Variants in BAHD1 observed in about 807,000 individuals in gnomAD.
BAHD1 encodes the protein bromo adjacent homology domain containing 1.
A neutral mutation model predicts 63.1 loss-of-function variants in BAHD1; 20 were observed. The observed-to-expected ratio is 0.32, with a 90% CI of 0.22 to 0.46. BAHD1 has a LOEUF of 0.46. BAHD1 is among the 20% of genes least tolerant of loss of function. The pLI is 1.00. For synonymous variants in BAHD1, 408 were observed against 426.8 expected (o/e 0.96, Z 0.54); for missense variants, 939 against 1,071.8 (o/e 0.88, Z 1.73).
chr15:40,456,911 C>CAGCTCCGT (rs1458042620), intron 1 of BAHD1, among the ~76,000 whole-genome samples: 24 of 152,292 alleles, frequency 1.6e-4, no homozygotes, highest in Admixed American at 5.2e-4. Context: ...AGGAAGTGAA[C>CAGCTCCGT]AGCTCCGTAG....
chr15:40,453,060 C>T (rs1447360502), intron 1 of BAHD1, among the ~76,000 whole-genome samples: 2 of 152,304 alleles, frequency 1.3e-5, no homozygotes, highest in African/African-American at 4.8e-5. Context: ...GAATGGCCAG[C>T]CAGGGCCAGC....
intron 1 of BAHD1, among the ~76,000 whole-genome samples, chr15:40,445,266 AAAAAAAAAAAC>A (rs1200050717): frequency 1.3e-5 from 2 of 151,530 alleles, no homozygotes; most frequent in Non-Finnish European, 2.9e-5. Flanking sequence ...TAAAAAAAAA[AAAAAAAAAAAC>A]AACCCTTTCA....
chr15:40,463,469 G>A (rs893250574), intron 3 of BAHD1, among the ~76,000 whole-genome samples: 1 of 152,220 alleles, frequency 6.6e-6, no homozygotes, highest in Non-Finnish European at 1.5e-5. Context: ...AGATGTGGAA[G>A]CTGAGGCTTA....
Position 40,459,716 on chromosome 15 carries a change from G to T in BAHD1, c.1252G>T (p.Ala418Ser), listed in dbSNP as rs140818617. Reference protein sequence around the residue: ...AAPHEEGLLLAPSSVPSGTPF... With the variant: ...AAPHEEGLLLSPSSVPSGTPF... ...ACCTCACGAGGAGGGGCTCCTCTTA[G>T]CTCCGAGCTCAGTGCCCTCAGGCAC... The change falls in exon 2 of 7, where the codon GCT becomes TCT. Residue 418 changes from alanine to serine, a missense_variant. By Grantham distance (99) the Ala-to-Ser change is moderately conservative (BLOSUM62 1). Transcript: ENST00000416165. The T allele has an allele frequency of 1.5e-4, 247 of 1,613,960 alleles. No homozygotes were observed. In the African/African-American group the frequency reaches 3.2e-3, roughly 21 times the overall value.
chr15:40,458,778 C>A lies in BAHD1; in HGVS notation c.314C>A (p.Ser105Tyr). The A allele has an allele frequency of 6.2e-7, 1 of 1,613,222 alleles. No homozygotes were observed. Among genetic ancestry groups the A allele is most frequent in the Non-Finnish European group, 8.5e-7 (1 of 1,180,016 alleles). The change falls in exon 2 of 7, where the codon TCC becomes TAC. Residue 105 changes from serine (S) to tyrosine (Y), a missense_variant. Coordinates refer to ENST00000416165, the MANE Select transcript of BAHD1 (RefSeq NM_014952.5). The surrounding 1 kb of genome is among the most constrained non-coding windows in gnomAD (Gnocchi z 4.7). ...CCCAAGCCCCCCAGCCCGGCCCCAT[C>A]CAGTGAAGACCCTGGCCTTGCCCAG... The part of the protein sequence containing the change: ...DLPKPPSPAP[S>Y]SEDPGLAQPR...
intron 1 of BAHD1, among the ~76,000 whole-genome samples, chr15:40,451,606 A>G (rs1025537199): frequency 5.9e-5 from 9 of 152,204 alleles, no homozygotes; most frequent in African/African-American, 2.2e-4. Flanking sequence ...AGACAAGGAA[A>G]CCAAGACTCA....
chr15:40,458,940 G>A lies in BAHD1; in HGVS notation c.476G>A (p.Arg159His), dbSNP rs764498612. ...GDPHRSRDRD[R>H]ATGGWSSSKK... ...CCCCACCGCAGCCGTGACCGTGATC[G>A]TGCTACTGGGGGCTGGTCCTCCTCC... The change falls in exon 2 of 7, where the codon CGT becomes CAT. Residue 159 changes from arginine (R) to histidine (H), a missense_variant. By Grantham distance (29) the Arg-to-His change is conservative. Around this residue, in one of 5 missense-constraint regions of BAHD1, gnomAD observed 797 missense variants for 813.3 expected, o/e 0.98. Coordinates refer to ENST00000416165, the MANE Select transcript of BAHD1 (RefSeq NM_014952.5). The surrounding 1 kb of genome is among the most constrained non-coding windows in gnomAD (Gnocchi z 4.7). 2.2e-5 allele frequency: 35 copies of A among 1,593,940 alleles called. No individual in the cohort carries two copies. The highest frequency in any genetic ancestry group is 4.5e-5 in the South Asian group (4 of 88,514).
chr15:40,455,178 G>A (rs752574909), intron 1 of BAHD1, among the ~76,000 whole-genome samples: 18 of 152,292 alleles, frequency 1.2e-4, no homozygotes, highest in South Asian at 4.1e-4. Context: ...TGTTTTTAGC[G>A]AGTGACAGGG....
intron 3 of BAHD1, among the ~76,000 whole-genome samples, chr15:40,463,088 G>A (rs1037084616): frequency 1.1e-4 from 17 of 152,168 alleles, no homozygotes; most frequent in Non-Finnish European, 1.9e-4. Flanking sequence ...GATTGTTTGA[G>A]CTCAGGAGTT....
chr15:40,465,144 G>C lies in BAHD1; in HGVS notation c.2053-191G>C, dbSNP rs116757480. 9.3e-4 allele frequency: 555 copies of C among 596,412 alleles called. 4 individuals are homozygous for C. In the African/African-American group the frequency reaches 9.3e-3, roughly 10 times the overall value. 36.9% of individuals were successfully genotyped at this position (596,412 alleles called of 1,614,324 possible). A position where few individuals can be genotyped will look rare whatever the true frequency, so the allele number is the denominator to read the frequency against. On this transcript the variant is annotated intron_variant, in intron 5 of 6. Transcript: ENST00000416165. The stretch of plus-strand genomic sequence containing the variant: ...AGATACCTGGCTATTCTGGAGAAGG[G>C]GGGGACCTAGAAGGGACTCAGGAGG...
intron 4 of BAHD1, 93 bp downstream of exon 4, chr15:40,464,113 G>GT (rs932131578): frequency 7.1e-7 from 1 of 1,412,614 alleles, no homozygotes; most frequent in Non-Finnish European, 9.7e-7. Flanking sequence ...TTGACCTGGC[G>GT]TGAGTCTCCC....
In BAHD1 at chr15:40,458,643, G is replaced by T; in HGVS notation, c.179G>T (p.Arg60Leu). ...GRRKNYPLRK[R>L]PLVPEKPKAC... ...CGCAAGAATTACCCACTTCGTAAGC[G>T]CCCATTGGTTCCTGAGAAGCCCAAG... The change falls in exon 2 of 7, where the codon CGC (arginine) becomes CTC (leucine). Residue 60 changes from arginine to leucine, a missense_variant. By Grantham distance (102) the Arg-to-Leu change is moderately radical (BLOSUM62 -2). Transcript: ENST00000416165. This position sits in a 1 kb window ranked among gnomAD's most constrained non-coding sequence, Gnocchi z 4.7. The T allele has an allele frequency of 6.2e-7, 1 of 1,613,848 alleles. No individual in the cohort carries two copies. Among genetic ancestry groups the T allele is most frequent in the Non-Finnish European group, 8.5e-7 (1 of 1,179,900 alleles).
chr15:40,448,431 T>G (rs1406473434), intron 1 of BAHD1, among the ~76,000 whole-genome samples: 1 of 152,230 alleles, frequency 6.6e-6, no homozygotes, highest in African/African-American at 2.4e-5. Context: ...CATCTTGGTC[T>G]GTGATCCAGC....
intron 1 of BAHD1, among the ~76,000 whole-genome samples, chr15:40,450,938 G>A (rs1893681012): frequency 6.6e-6 from 1 of 152,046 alleles, no homozygotes; most frequent in Non-Finnish European, 1.5e-5. Context: ...AGGAGTTTGA[G>A]ACCAGCCTGG....
rs368666699 is a variant in BAHD1 at position 40,462,129 on chromosome 15, C to T, written c.1650C>T (p.Arg550=). The change falls in exon 3 of 7, where the codon CGC becomes CGT. Residue 550 remains arginine (R), a synonymous_variant. Transcript: ENST00000416165. ...KPPSGSKSGL[R]TGSSCRHTAR... ...CCAGCGGTTCTAAGTCAGGTCTGCG[C>T]ACAGGCTCCAGCTGCAGGCACACTG... 4.3e-6 allele frequency: 7 copies of T among 1,612,440 alleles called. No individual in the cohort carries two copies. In the African/African-American group the frequency reaches 5.3e-5, roughly 12 times the overall value.
intron 2 of BAHD1, among the ~76,000 whole-genome samples, chr15:40,460,412 A>T (rs530865648): frequency 6.6e-6 from 1 of 152,272 alleles, no homozygotes; most frequent in African/African-American, 2.4e-5. Context: ...TGCACAGGGC[A>T]GCTTTGCCCT....
chr15:40,451,093 G>A (rs572552679), intron 1 of BAHD1, among the ~76,000 whole-genome samples: 77 of 129,388 alleles, frequency 6.0e-4, no homozygotes, highest in Non-Finnish European at 9.5e-4. Context: ...GCAGTGAGCC[G>A]AGATCACGCC....
chr15:40,450,468 C>T (rs1320875968), intron 1 of BAHD1, among the ~76,000 whole-genome samples: 1 of 152,210 alleles, frequency 6.6e-6, no homozygotes, highest in Non-Finnish European at 1.5e-5. Flanking sequence ...AACCAACACT[C>T]GTTCTTTGCC....
At chr15:40,446,471 C>T (rs558004304) in intron 1 of BAHD1, among the ~76,000 whole-genome samples, 63 of 152,264 alleles carry the variant, frequency 4.1e-4, no homozygotes, top group Non-Finnish European at 7.5e-4. Context: ...TTCATTTTTC[C>T]CAGTGGGAAA....
Sources: allele counts gnomAD v4.1 joint callset (sites outside exome capture counted in the v4.1 genomes callset), GRCh38; gene constraint gnomAD v4.1.1; regional missense constraint gnomAD v4.1.1; non-coding constraint Gnocchi (gnomAD v3.1); transcripts MANE v1.5; gene names NCBI Gene and HGNC (gene_info 2026-07-23, HGNC 2026-07-21).